The following IQANK1 variants were observed in gnomAD, a reference collection of about 807,000 sequenced individuals.
IQANK1 encodes the protein IQ motif and ankyrin repeat containing 1.
In IQANK1, 30 loss-of-function variants were observed where a neutral mutation model predicts 22.6. That is an observed-to-expected ratio of 1.33 (90% CI 0.99 to 1.80). IQANK1 has a LOEUF of 1.80. Ranked by LOEUF, IQANK1 falls within the 40% of genes most tolerant of loss-of-function variation. The pLI is 0.00. For missense variants in IQANK1, 275 were observed against 235.2 expected (o/e 1.17, Z -1.11); for synonymous variants, 122 against 99.6 (o/e 1.23, Z -1.34).
intron 3 of IQANK1, among the ~76,000 whole-genome samples, chr8:143,767,753 T>C (rs1369545564): frequency 2.0e-5 from 3 of 151,696 alleles, no homozygotes; most frequent in Non-Finnish European, 4.4e-5. Flanking sequence ...AGTGTGGTGG[T>C]GTATACCTGT....
intron 7 of IQANK1, among the ~76,000 whole-genome samples, chr8:143,775,615 T>C (rs940308425): frequency 2.0e-5 from 3 of 151,868 alleles, no homozygotes; most frequent in Admixed American, 6.6e-5. Flanking sequence ...AAAAATTAGC[T>C]GCTGGGCGTG....
intron 3 of IQANK1, among the ~76,000 whole-genome samples, chr8:143,764,974 A>G (rs147427738): frequency 3.2e-4 from 49 of 152,346 alleles, no homozygotes; most frequent in African/African-American, 1.1e-3. Context: ...CTCCCTGCAG[A>G]TGAATCCACT....
intron 3 of IQANK1, among the ~76,000 whole-genome samples, chr8:143,757,737 C>T (rs1449139607): frequency 6.6e-6 from 1 of 152,036 alleles, no homozygotes; most frequent in Non-Finnish European, 1.5e-5. Context: ...CAGCCTAGAA[C>T]TCCTGGGCTC....
chr8:143,766,448 A>G (rs538249378), intron 3 of IQANK1, among the ~76,000 whole-genome samples: 1 of 152,230 alleles, frequency 6.6e-6, no homozygotes, highest in Admixed American at 6.5e-5. Flanking sequence ...AGGTGGGTGG[A>G]TCACCTGAGG....
intron 7 of IQANK1, among the ~76,000 whole-genome samples, chr8:143,784,162 G>A (rs1819844657): frequency 4.6e-5 from 7 of 152,058 alleles, no homozygotes; most frequent in Admixed American, 4.6e-4. Flanking sequence ...CTAGGATGTT[G>A]CTATGTTTTG....
intron 3 of IQANK1, among the ~76,000 whole-genome samples, chr8:143,765,129 G>T (rs1316710077): frequency 1.3e-5 from 2 of 152,206 alleles, no homozygotes; most frequent in Admixed American, 1.3e-4. Context: ...GCCAAGGCGG[G>T]CAGATCCCTT....
At chr8:143,787,018 C>T (rs1224685288) in intron 7 of IQANK1, among the ~76,000 whole-genome samples, 2 of 152,104 alleles carry the variant, frequency 1.3e-5, no homozygotes, top group African/African-American at 4.8e-5. Context: ...CAGGTTTTCA[C>T]GGAGGGCTTG....
At chr8:143,777,889 C>T (rs1254823101) in intron 7 of IQANK1, among the ~76,000 whole-genome samples, 1 of 152,106 alleles carries the variant, frequency 6.6e-6, no homozygotes, top group Non-Finnish European at 1.5e-5. Context: ...ACATTCTAAA[C>T]ACCCCAATTA....
intron 3 of IQANK1, among the ~76,000 whole-genome samples, chr8:143,751,675 T>TATATAA (rs1379910945): frequency 1.4e-5 from 2 of 140,740 alleles, no homozygotes; most frequent in Admixed American, 7.3e-5. Context: ...TATATATATA[T>TATATAA]ATAAAATCCT....
intron 6 of IQANK1, 42 bp from the exon 7 acceptor site, chr8:143,772,315 A>G (rs989408819): frequency 1.0e-5 from 4 of 398,312 alleles, no homozygotes; most frequent in African/African-American, 6.2e-5. Flanking sequence ...TCCTTCCCCC[A>G]GGGGCAAGGC....
intron 10 of IQANK1, 27 bp from the exon 11 acceptor site, chr8:143,789,734 G>A (rs1370095822): frequency 4.1e-6 from 5 of 1,230,822 alleles, no homozygotes; most frequent in Non-Finnish European, 5.1e-6. Context: ...GGCAGGGCAA[G>A]CAAGTCAGTG....
At chr8:143,740,026 G>T (rs1818860626) in intron 3 of IQANK1, 78 bp downstream of exon 3, 1 of 625,120 alleles carries the variant, frequency 1.6e-6, no homozygotes, top group African/African-American at 1.8e-5. Flanking sequence ...CCCGGGACAC[G>T]CTCAGTGTGG....
intron 3 of IQANK1, among the ~76,000 whole-genome samples, chr8:143,768,024 C>T (rs1819509182): frequency 6.7e-6 from 1 of 150,266 alleles, no homozygotes; most frequent in African/African-American, 2.4e-5. Flanking sequence ...AGCTGGATTA[C>T]AGGCGCCGCC....
chr8:143,785,107 CTCTT>C (rs138721825), intron 7 of IQANK1, among the ~76,000 whole-genome samples: 6,937 of 152,218 alleles, frequency 0.046, 546 homozygotes, highest in African/African-American at 0.16. Context: ...AATCTAGTCT[CTCTT>C]TGAGCACAGT....
At position 143,735,884 on chromosome 8, in the gene IQANK1, G is replaced by A; in HGVS notation, c.31G>A (p.Ala11Thr). 1 of 702,630 alleles carries A rather than the reference G, an allele frequency of 1.4e-6. No individual in the cohort carries two copies. 43.5% of individuals were successfully genotyped at this position (702,630 alleles called of 1,614,324 possible). A position where few individuals can be genotyped will look rare whatever the true frequency, so the allele number is the denominator to read the frequency against. ...CAGTAAGAAGGGGAGACCCAAAGCT[G>A]CAGCTGGGAAGTGGCAGACGCTCCA... is the stretch of plus-strand genomic sequence containing the variant. MDSKKGRPKAAAGKWQTLHPG... is the reference protein window; with the variant it reads MDSKKGRPKATAGKWQTLHPG... Residue 11 changes from alanine (A) to threonine (T), a missense_variant, in exon 2 of 14, where the codon GCA (alanine) becomes ACA (threonine). By Grantham distance (58) the Ala-to-Thr change is moderately conservative. Transcript: ENST00000527139. The surrounding 1 kb of genome is among the most constrained non-coding windows in gnomAD (Gnocchi z 5.2).
chr8:143,758,852 G>A lies in IQANK1; in HGVS notation c.176-12636G>A, dbSNP rs147345828. 3.5e-3 allele frequency: 548 copies of A among 156,764 alleles called. 1 individual carries two copies. The highest frequency in any genetic ancestry group is 5.9e-3 in the Non-Finnish European group (416 of 71,074). The allele number at this position is 156,764 out of a possible 1,614,324, so 9.7% of individuals were successfully genotyped here. A position where few individuals can be genotyped will look rare whatever the true frequency, so the allele number is the denominator to read the frequency against. On this transcript the variant is annotated intron_variant, in intron 3 of 13. Transcript: ENST00000527139. This position sits in a 1 kb window ranked among gnomAD's most constrained non-coding sequence, Gnocchi z 4.2. ...AGAGGCCAAAGATGACAACACGAGA[G>A]GTGGTCAAAGCCAAGGTTTCCCTGC...
intron 3 of IQANK1, among the ~76,000 whole-genome samples, chr8:143,751,632 G>GTA (rs1819190657): frequency 3.5e-4 from 9 of 26,028 alleles, no homozygotes; most frequent in African/African-American, 1.2e-3. Flanking sequence ...AAAAGTGTGT[G>GTA]TGTGTGTGTG....
At chr8:143,753,632 T>C (rs373711674) in intron 3 of IQANK1, among the ~76,000 whole-genome samples, 3 of 152,052 alleles carry the variant, frequency 2.0e-5, no homozygotes, top group African/African-American at 7.2e-5. Flanking sequence ...TTTTGTATTT[T>C]TAGTAGAGAT....
chr8:143,749,771 C>T (rs909417277), intron 3 of IQANK1, among the ~76,000 whole-genome samples: 52 of 149,530 alleles, frequency 3.5e-4, no homozygotes, highest in African/African-American at 1.1e-3. Context: ...CCCTGTTGGC[C>T]GGGGTGGTCT....
Sources: gnomAD v4.1 joint callset for allele counts (sites outside exome capture counted in the v4.1 genomes callset) on GRCh38, gnomAD v4.1.1 for gene constraint, Gnocchi (gnomAD v3.1) non-coding constraint, MANE v1.5 for transcripts, NCBI Gene and HGNC (gene_info 2026-07-23, HGNC 2026-07-21) for gene names.